The following CHMP2B variants were observed in gnomAD, a reference collection of about 807,000 sequenced individuals.
The protein encoded by CHMP2B is charged multivesicular body protein 2B.
In CHMP2B, 22 loss-of-function variants were observed where a neutral mutation model predicts 29.8. The observed-to-expected ratio is 0.74, with a 90% CI of 0.53 to 1.05. The LOEUF (loss-of-function observed/expected upper bound fraction) is 1.05. Among genes scored for constraint, CHMP2B ranks in the 50% least tolerant of loss-of-function variants. The pLI, the probability that CHMP2B is intolerant of heterozygous loss-of-function variation, is 0.00. For synonymous variants in CHMP2B, 78 were observed against 75.8 expected (o/e 1.03, Z -0.15); for missense variants, 261 against 252.2 (o/e 1.03, Z -0.24).
chr3:87,243,939 A>T (rs914156172), intron 2 of CHMP2B, among the ~76,000 whole-genome samples: 1 of 149,836 alleles, frequency 6.7e-6, no homozygotes, highest in African/African-American at 2.5e-5. Flanking sequence ...TTGATCTCTT[A>T]TTTAAAAAAA....
intron 1 of CHMP2B, among the ~76,000 whole-genome samples, chr3:87,229,771 C>T (rs925770906): frequency 1.3e-5 from 2 of 152,032 alleles, no homozygotes; most frequent in African/African-American, 4.8e-5. Context: ...GCCTATAGAT[C>T]TGGGGAATAA....
intron 1 of CHMP2B, among the ~76,000 whole-genome samples, chr3:87,233,855 A>C (rs1464170739): frequency 6.6e-6 from 1 of 152,226 alleles, no homozygotes; most frequent in Admixed American, 6.5e-5. Flanking sequence ...TCTCAAAAGA[A>C]ATACATTTAA....
intron 5 of CHMP2B, 25 bp from the exon 6 acceptor site, chr3:87,253,687 T>C: frequency 6.3e-7 from 1 of 1,588,846 alleles, no homozygotes; most frequent in South Asian, 1.1e-5. Flanking sequence ...TAATGCACGT[T>C]TGTCTTTTTC....
In CHMP2B at chr3:87,253,763, A is replaced by C; in HGVS notation, c.583A>C (p.Lys195Gln). 1 of 1,612,616 alleles carries C rather than the reference A, an allele frequency of 6.2e-7. No individual in the cohort carries two copies. The highest frequency in any genetic ancestry group is 8.5e-7 in the Non-Finnish European group (1 of 1,178,874). Residue 195 changes from lysine (K) to glutamine (Q), a missense_variant, in exon 6 of 6, where the codon AAG becomes CAG. Coordinates refer to ENST00000263780, the MANE Select transcript of CHMP2B (RefSeq NM_014043.4). ...AAGCTTACCATCTGCCTCTACTTCA[A>C]AGGCTACAATCTCAGATGAAGAGAT... ...ARSLPSASTSKATISDEEIER... is the reference protein window; with the variant it reads ...ARSLPSASTSQATISDEEIER...
intron 1 of CHMP2B, among the ~76,000 whole-genome samples, chr3:87,239,866 C>T (rs1331953844): frequency 6.6e-6 from 1 of 152,106 alleles, no homozygotes; most frequent in Non-Finnish European, 1.5e-5. Flanking sequence ...CGAGTATTAA[C>T]TAACTCTTCC....
chr3:87,240,589 G>T lies in CHMP2B; in HGVS notation c.35-110G>T, dbSNP rs534461328. ...TGCGATTACAGGCATGAGCCACTGC[G>T]CCCAGCCAATATAAGATTTTTTTAA... is the stretch of plus-strand genomic sequence containing the variant. On this transcript the variant is annotated intron_variant, in intron 1 of 5. Coordinates refer to ENST00000263780, the MANE Select transcript of CHMP2B (RefSeq NM_014043.4). 360 of 790,804 alleles carry T rather than the reference G, an allele frequency of 4.6e-4. 4 individuals are homozygous for T. The East Asian group carries it at 9.3e-3, about 20-fold the overall frequency. The allele number at this position is 790,804 out of a possible 1,614,324, so 49.0% of individuals were successfully genotyped here. A position where few individuals can be genotyped will look rare whatever the true frequency, so the allele number is the denominator to read the frequency against.
chr3:87,246,546 G>A (rs1386927), intron 3 of CHMP2B, among the ~76,000 whole-genome samples: 125,993 of 152,144 alleles, frequency 0.83, 54,407 homozygotes, highest in Non-Finnish European at 0.94. Flanking sequence ...TGACCTTCTT[G>A]TCTCATTATA....
chr3:87,241,042 GTATC>G (rs1172825204), intron 2 of CHMP2B, among the ~76,000 whole-genome samples: 2 of 152,164 alleles, frequency 1.3e-5, no homozygotes, highest in African/African-American at 4.8e-5. Context: ...AGAGTCATAA[GTATC>G]TAGGAAGAAA....
At chr3:87,252,138 G>A (rs1252468916) in intron 4 of CHMP2B, among the ~76,000 whole-genome samples, 2 of 151,736 alleles carry the variant, frequency 1.3e-5, no homozygotes, top group South Asian at 2.1e-4. Context: ...ACATTTCCAG[G>A]GAGTCATGGC....
chr3:87,240,780 A>G lies in CHMP2B; in HGVS notation c.116A>G (p.Glu39Gly), dbSNP rs756409160. The G allele has an allele frequency of 6.2e-7, 1 of 1,611,994 alleles. No homozygotes were observed. The highest frequency in any genetic ancestry group is 1.1e-5 in the South Asian group (1 of 91,058). The stretch of plus-strand genomic sequence containing the variant: ...GATCGAGCAGCTTTAGAGAAACAAG[A>G]AAAACAGCTGGTAAGTAGAACGTTA... ...IRDRAALEKQ[E>G]KQLELEIKKM... The change falls in exon 2 of 6, where the codon GAA (glutamate) becomes GGA (glycine). Residue 39 changes from glutamate to glycine, a missense_variant. Glu to Gly is a moderately conservative substitution (Grantham distance 98). Coordinates refer to ENST00000263780, the MANE Select transcript of CHMP2B (RefSeq NM_014043.4).
At chr3:87,250,033 T>G (rs2106913173) in intron 4 of CHMP2B, 56 bp downstream of exon 4, 1 of 1,035,886 alleles carries the variant, frequency 9.7e-7, no homozygotes, top group East Asian at 2.6e-5. Flanking sequence ...GAATTAGCCA[T>G]TTATTTACTA....
In CHMP2B at chr3:87,253,756, TACTTC is replaced by T; in HGVS notation, c.578_582del (p.Thr193LysfsTer7). ...CTGCTCGAAGCTTACCATCTGCCTCTACTTCAAAGGCTACAATCTCAGATGAAGAG... is the reference window on the plus strand; with the variant it reads ...CTGCTCGAAGCTTACCATCTGCCTCTAAAGGCTACAATCTCAGATGAAGAG... On this transcript the variant is annotated frameshift_variant, in exon 6 of 6. Transcript: ENST00000263780. LOFTEE classifies it high-confidence loss of function. The T allele has an allele frequency of 6.2e-7, 1 of 1,612,654 alleles. No individual in the cohort carries two copies. The highest frequency in any genetic ancestry group is 8.5e-7 in the Non-Finnish European group (1 of 1,178,900).
At position 87,227,329 on chromosome 3, in the gene CHMP2B, G is replaced by A. The variant is rs893029176; in HGVS notation, c.-194G>A. 5 of 638,818 alleles carry A rather than the reference G, an allele frequency of 7.8e-6. No individual in the cohort carries two copies. Among genetic ancestry groups the A allele is most frequent in the South Asian group, 3.6e-5 (2 of 55,794 alleles). The allele number at this position is 638,818 out of a possible 1,614,324, so 39.6% of individuals were successfully genotyped here. A position where few individuals can be genotyped will look rare whatever the true frequency, so the allele number is the denominator to read the frequency against. On this transcript the variant is annotated 5_prime_UTR_variant, in exon 1 of 6. Coordinates refer to ENST00000263780, the MANE Select transcript of CHMP2B (RefSeq NM_014043.4). ...AGTGTGTTAGTTCCCGGTCACCTGA[G>A]CTCCGGGTGACGCGGCTGCGGTAGC...
intron 1 of CHMP2B, among the ~76,000 whole-genome samples, chr3:87,235,392 A>G (rs1000740631): frequency 1.3e-5 from 2 of 152,140 alleles, no homozygotes; most frequent in Non-Finnish European, 2.9e-5. Context: ...AATATGTTTT[A>G]CTGTCTTTTC....
chr3:87,229,905 T>C (rs1018053941), intron 1 of CHMP2B, among the ~76,000 whole-genome samples: 3 of 152,206 alleles, frequency 2.0e-5, no homozygotes, highest in Non-Finnish European at 2.9e-5. Context: ...AGAGTTATGT[T>C]TAATTCATTT....
intron 1 of CHMP2B, among the ~76,000 whole-genome samples, chr3:87,229,378 T>C (rs1705866360): frequency 6.6e-6 from 1 of 152,210 alleles, no homozygotes; most frequent in South Asian, 2.1e-4. Context: ...ATTAACCATA[T>C]GTGCAATTTC....
At chr3:87,244,014 T>C (rs1706167627) in intron 2 of CHMP2B, among the ~76,000 whole-genome samples, 1 of 146,904 alleles carries the variant, frequency 6.8e-6, no homozygotes, top group Non-Finnish European at 1.5e-5. Flanking sequence ...GTTTCTGTTT[T>C]TGTTTTTTGT....
intron 1 of CHMP2B, among the ~76,000 whole-genome samples, chr3:87,232,148 T>C (rs1278756798): frequency 6.6e-6 from 1 of 152,182 alleles, no homozygotes; most frequent in African/African-American, 2.4e-5. Context: ...TAGAGGTAAT[T>C]TGAAGAACAC....
intron 1 of CHMP2B, among the ~76,000 whole-genome samples, chr3:87,233,836 A>T (rs558417561): frequency 2.0e-5 from 3 of 152,188 alleles, no homozygotes; most frequent in Non-Finnish European, 2.9e-5. Context: ...AATAGATAAA[A>T]ATGTATTTTC....
Sources: gnomAD v4.1 joint callset for allele counts (sites outside exome capture counted in the v4.1 genomes callset) on GRCh38, gnomAD v4.1.1 for gene constraint, MANE v1.5 for transcripts, NCBI Gene and HGNC (gene_info 2026-07-23, HGNC 2026-07-21) for gene names.